Variants in MTHFD1L observed in about 807,000 individuals in gnomAD.
MTHFD1L encodes the protein methylenetetrahydrofolate dehydrogenase (NADP+ dependent) 1 like.
Under a neutral mutation model 119.5 loss-of-function variants are expected in MTHFD1L, and 81 were observed. The observed-to-expected ratio is 0.68, with a 90% CI of 0.57 to 0.82. The LOEUF (loss-of-function observed/expected upper bound fraction) is 0.82, where lower values mean the gene tolerates loss of function less well. Among genes scored for constraint, MTHFD1L ranks in the 40% least tolerant of loss-of-function variants. MTHFD1L has a pLI of 0.00. For synonymous variants in MTHFD1L, 430 were observed against 475.2 expected (o/e 0.90, Z 1.24); for missense variants, 1,125 against 1,253.4 (o/e 0.90, Z 1.55).
intron 26 of MTHFD1L, among the ~76,000 whole-genome samples, chr6:151,066,699 A>G (rs1453067349): frequency 1.2e-4 from 18 of 150,006 alleles, no homozygotes; most frequent in Non-Finnish European, 2.4e-4. Context: ...CGGGAGGCGG[A>G]GCTTGCAGTG....
intron 7 of MTHFD1L, among the ~76,000 whole-genome samples, chr6:150,889,623 C>T (rs1562323121): frequency 6.6e-6 from 1 of 152,150 alleles, no homozygotes; most frequent in Non-Finnish European, 1.5e-5. Context: ...CATGACAGAC[C>T]ACTAACAGGT....
At chr6:151,014,830 G>A in intron 22 of MTHFD1L, 50 bp from the exon 23 acceptor site, 2 of 1,470,496 alleles carry the variant, frequency 1.4e-6, no homozygotes, top group Non-Finnish European at 1.9e-6. Context: ...GGCAGGTTTG[G>A]TGGGAGACAA....
chr6:151,016,410 C>T (rs1783059102), intron 24 of MTHFD1L, among the ~76,000 whole-genome samples: 1 of 151,862 alleles, frequency 6.6e-6, no homozygotes, highest in Non-Finnish European at 1.5e-5. Context: ...GCAACCTCTG[C>T]CTCCCAGGTT....
At chr6:151,041,411 C>A (rs1213287007) in intron 26 of MTHFD1L, among the ~76,000 whole-genome samples, 2 of 152,148 alleles carry the variant, frequency 1.3e-5, no homozygotes, top group Non-Finnish European at 2.9e-5. Flanking sequence ...ATGGGGACAC[C>A]AGGGGGACTG....
intron 20 of MTHFD1L, among the ~76,000 whole-genome samples, chr6:150,972,695 T>C (rs930856833): frequency 6.6e-6 from 1 of 152,230 alleles, no homozygotes; most frequent in Non-Finnish European, 1.5e-5. Context: ...TAAGAGAAAG[T>C]GCTCATTGAC....
At chr6:150,874,332 C>T (rs575634046) in intron 1 of MTHFD1L, among the ~76,000 whole-genome samples, 4 of 152,168 alleles carry the variant, frequency 2.6e-5, no homozygotes, top group South Asian at 2.1e-4. Context: ...CCATCTGTTC[C>T]GGCCCAGCTG....
At chr6:150,944,002 T>C (rs955006015) in intron 13 of MTHFD1L, among the ~76,000 whole-genome samples, 7 of 152,176 alleles carry the variant, frequency 4.6e-5, no homozygotes, top group Non-Finnish European at 1.0e-4. Context: ...ATTAAATGCA[T>C]CAGAATGTTT....
At chr6:150,928,763 T>G (rs1247789098) in intron 11 of MTHFD1L, among the ~76,000 whole-genome samples, 1 of 151,992 alleles carries the variant, frequency 6.6e-6, no homozygotes, top group African/African-American at 2.4e-5. Context: ...AGGCTGGCCT[T>G]GAACTCCTGG....
intron 27 of MTHFD1L, among the ~76,000 whole-genome samples, chr6:151,100,463 G>C (rs2128669939): frequency 1.3e-5 from 2 of 152,014 alleles, no homozygotes; most frequent in Middle Eastern, 6.8e-3. Context: ...ACCTTATCTG[G>C]CTCCAGACCT....
chr6:150,878,417 A>G (rs537505012), intron 4 of MTHFD1L, among the ~76,000 whole-genome samples: 1 of 152,110 alleles, frequency 6.6e-6, no homozygotes, highest in Non-Finnish European at 1.5e-5. Context: ...ACGCCTGGCT[A>G]ATTTTTGTAT....
At chr6:150,885,583 AT>A (rs761328391) in intron 5 of MTHFD1L, 50 bp from the exon 6 acceptor site, 10 of 1,421,450 alleles carry the variant, frequency 7.0e-6, no homozygotes, top group South Asian at 3.5e-5. Context: ...CACGTGAGTG[AT>A]TTTTTTGGCT....
intron 7 of MTHFD1L, among the ~76,000 whole-genome samples, chr6:150,896,419 A>T (rs1289539015): frequency 6.6e-6 from 1 of 152,162 alleles, no homozygotes. Flanking sequence ...GGATGGACAC[A>T]CAAGACAGCC....
chr6:150,887,621 A>T (rs927845405), intron 6 of MTHFD1L, among the ~76,000 whole-genome samples: 3 of 151,990 alleles, frequency 2.0e-5, no homozygotes, highest in Non-Finnish European at 2.9e-5. Context: ...ACGCCTGGCT[A>T]ATTTTCTATA....
intron 26 of MTHFD1L, among the ~76,000 whole-genome samples, chr6:151,041,423 C>G (rs1787089229): frequency 4.6e-5 from 7 of 152,194 alleles, no homozygotes; most frequent in Admixed American, 4.6e-4. Flanking sequence ...GGGGGACTGG[C>G]TCCTGCAGGT....
At chr6:151,017,930 G>T (rs1243583019) in intron 24 of MTHFD1L, among the ~76,000 whole-genome samples, 1 of 149,652 alleles carries the variant, frequency 6.7e-6, no homozygotes, top group East Asian at 2.0e-4. Context: ...CGCCTCCCGG[G>T]TTCATGCCAT....
chr6:150,997,056 C>T (rs1779891704), intron 20 of MTHFD1L, among the ~76,000 whole-genome samples: 1 of 152,208 alleles, frequency 6.6e-6, no homozygotes, highest in African/African-American at 2.4e-5. Flanking sequence ...ACTTGATCAC[C>T]TGACTCTTAC....
chr6:151,098,938 G>C (rs1795119422), intron 27 of MTHFD1L, among the ~76,000 whole-genome samples: 3 of 152,134 alleles, frequency 2.0e-5, no homozygotes. Context: ...CAATTTGGGA[G>C]GCCGAGGCAG....
At chr6:150,886,833 A>AT (rs2128773117) in intron 6 of MTHFD1L, among the ~76,000 whole-genome samples, 1 of 151,874 alleles carries the variant, frequency 6.6e-6, no homozygotes, top group Admixed American at 6.6e-5. Flanking sequence ...TACCAAAAAA[A>AT]ATTTTTTTTT....
chr6:150,869,917 G>T (rs1423828504), intron 1 of MTHFD1L, among the ~76,000 whole-genome samples: 1 of 151,968 alleles, frequency 6.6e-6, no homozygotes, highest in Non-Finnish European at 1.5e-5. Context: ...TTACAGGCAG[G>T]CACCACCACA....
Sources: gnomAD v4.1 joint callset for allele counts (sites outside exome capture counted in the v4.1 genomes callset) on GRCh38, gnomAD v4.1.1 for gene constraint, MANE v1.5 for transcripts, NCBI Gene and HGNC (gene_info 2026-07-23, HGNC 2026-07-21) for gene names.